Variants in DNAH9 observed in about 807,000 individuals in gnomAD.
The protein encoded by DNAH9 is DNAH9 variant protein.
In DNAH9, 345 loss-of-function variants were observed where a neutral mutation model predicts 471.6. The ratio of observed to expected loss-of-function variants is 0.73; its 90% confidence interval spans 0.67 to 0.80. DNAH9 has a LOEUF of 0.80. Among genes scored for constraint, DNAH9 ranks in the 30% least tolerant of loss-of-function variants. DNAH9 has a pLI of 0.00. For synonymous variants in DNAH9, 2,093 were observed against 2,123.6 expected, an observed-to-expected ratio of 0.99 and a Z score of 0.40; for missense variants, 5,407 against 5,609.2, an observed-to-expected ratio of 0.96 and a Z score of 1.15.
Position 11,932,791 on chromosome 17 carries a change from C to G in DNAH9, c.12297+586C>G, listed in dbSNP as rs1049728110. 7.2e-5 allele frequency among the ~76,000 whole-genome samples: 11 copies of G among 151,866 alleles called. No homozygotes were observed. The highest frequency in any genetic ancestry group is 1.5e-4 in the Non-Finnish European group (10 of 67,994). On this transcript the variant is annotated intron_variant, in intron 64 of 68. Coordinates refer to ENST00000262442, the MANE Select transcript of DNAH9 (RefSeq NM_001372.4). This position sits in a 1 kb window ranked among gnomAD's most constrained non-coding sequence, Gnocchi z 4.3. ...CATGAGAGTTTGTCCCGGGCCCCAC[C>G]AGACCATACCTATGTCTTCACAGCA...
intron 43 of DNAH9, among the ~76,000 whole-genome samples, chr17:11,799,514 C>T (rs2077571870): frequency 6.6e-6 from 1 of 152,000 alleles, no homozygotes; most frequent in African/African-American, 2.4e-5. Context: ...CCCCATCACC[C>T]CAGTGCCAGC....
chr17:11,793,418 G>C (rs1409230627), intron 41 of DNAH9, 85 bp from the exon 42 acceptor site: 2 of 1,280,854 alleles, frequency 1.6e-6, no homozygotes, highest in African/African-American at 3.0e-5. Flanking sequence ...TCCCAGGTTA[G>C]ATAAAATGCT....
intron 36 of DNAH9, among the ~76,000 whole-genome samples, chr17:11,764,589 T>G (rs1170420981): frequency 1.3e-5 from 2 of 152,174 alleles, no homozygotes; most frequent in Non-Finnish European, 2.9e-5. Flanking sequence ...TTGACTATTT[T>G]AGCTGTATCA....
At chr17:11,704,172 C>G in intron 24 of DNAH9, 31 bp from the exon 25 acceptor site, 1 of 1,612,638 alleles carries the variant, frequency 6.2e-7, no homozygotes, top group Non-Finnish European at 8.5e-7. Flanking sequence ...GCCATGATAA[C>G]AGCTTTACTA....
intron 6 of DNAH9, among the ~76,000 whole-genome samples, chr17:11,624,163 T>C (rs1479978113): frequency 6.6e-6 from 1 of 152,104 alleles, no homozygotes; most frequent in Non-Finnish European, 1.5e-5. Flanking sequence ...ACTAAAAAAT[T>C]AACATGTTTC....
chr17:11,743,566 C>T (rs916160717), intron 30 of DNAH9, among the ~76,000 whole-genome samples: 1 of 152,172 alleles, frequency 6.6e-6, no homozygotes, highest in East Asian at 1.9e-4. Flanking sequence ...TCAACAGCAG[C>T]GGCTCACAGC....
At chr17:11,617,160 G>C (rs1347852159) in intron 4 of DNAH9, among the ~76,000 whole-genome samples, 1 of 152,174 alleles carries the variant, frequency 6.6e-6, no homozygotes, top group Non-Finnish European at 1.5e-5. Flanking sequence ...CCAAGCACCA[G>C]ATGGAGGCTG....
intron 52 of DNAH9, among the ~76,000 whole-genome samples, chr17:11,874,347 C>T (rs745638124): frequency 6.6e-6 from 1 of 152,064 alleles, no homozygotes; most frequent in African/African-American, 2.4e-5. Context: ...TAAGAGAGGC[C>T]ACAGGCAAGT....
intron 11 of DNAH9, 72 bp downstream of exon 11, chr17:11,644,771 TTG>T (rs2073348097): frequency 9.5e-7 from 1 of 1,048,200 alleles, no homozygotes; most frequent in East Asian, 2.4e-5. Context: ...AGCTCCGAGT[TTG>T]TGCAGATTCC....
chr17:11,887,754 A>G (rs1972923000), intron 57 of DNAH9, among the ~76,000 whole-genome samples: 1 of 151,958 alleles, frequency 6.6e-6, no homozygotes, highest in South Asian at 2.1e-4. Flanking sequence ...ACACACACAC[A>G]CACACACACA....
intron 1 of DNAH9, among the ~76,000 whole-genome samples, chr17:11,599,201 C>A (rs1193308474): frequency 2.0e-5 from 3 of 152,040 alleles, no homozygotes; most frequent in African/African-American, 7.2e-5. Flanking sequence ...GGAGCTGAGG[C>A]TTGGGTCAGT....
intron 54 of DNAH9, 31 bp downstream of exon 54, chr17:11,880,231 G>C (rs201578299): frequency 2.9e-5 from 47 of 1,608,986 alleles, no homozygotes; most frequent in East Asian, 6.7e-5. Context: ...TGACCCTTCG[G>C]GGGGAGCTGG....
intron 7 of DNAH9, among the ~76,000 whole-genome samples, chr17:11,631,293 T>C (rs911385045): frequency 1.3e-5 from 2 of 151,706 alleles, no homozygotes; most frequent in Non-Finnish European, 2.9e-5. Context: ...ATTTTAAGAG[T>C]GTGTGCGGGA....
chr17:11,861,788 T>A (rs1009131333), intron 50 of DNAH9, among the ~76,000 whole-genome samples: 5 of 152,144 alleles, frequency 3.3e-5, no homozygotes, highest in African/African-American at 1.2e-4. Context: ...ATGGTGAGCA[T>A]TTTTTCATGT....
chr17:11,694,380 C>T lies in DNAH9; in HGVS notation c.4805C>T (p.Pro1602Leu), dbSNP rs566122995. 1.9e-6 allele frequency: 3 copies of T among 1,613,540 alleles called. No individual in the cohort carries two copies. The highest frequency in any genetic ancestry group is 1.1e-5 in the South Asian group (1 of 90,992). Residue 1602 changes from proline (P) to leucine (L), a missense_variant, in exon 22 of 69, where the codon CCG becomes CTG. Pro to Leu is a moderately conservative substitution (Grantham distance 98, BLOSUM62 -3). Transcript: ENST00000262442. ...CTCGACACCAAGAGGCTTGCCTTCCCGCGGTTTTACTTTCTCTCCTCCTCC... is the reference window on the plus strand; with the variant it reads ...CTCGACACCAAGAGGCTTGCCTTCCTGCGGTTTTACTTTCTCTCCTCCTCC... ...EYLDTKRLAFPRFYFLSSSDL... is the reference protein window; with the variant it reads ...EYLDTKRLAFLRFYFLSSSDL...
chr17:11,874,244 C>CAAAAAAAAA (rs770328921), intron 52 of DNAH9, among the ~76,000 whole-genome samples: 5 of 106,434 alleles, frequency 4.7e-5, no homozygotes, highest in Non-Finnish European at 5.6e-5. Flanking sequence ...GATTCCATCT[C>CAAAAAAAAA]AAAAAAAAAA....
chr17:11,675,872 T>A (rs2074040733), intron 17 of DNAH9, among the ~76,000 whole-genome samples: 1 of 152,052 alleles, frequency 6.6e-6, no homozygotes, highest in Non-Finnish European at 1.5e-5. Context: ...TGTGATTGAA[T>A]TTGGCCTTCA....
chr17:11,693,481 A>G (rs2150757538), intron 20 of DNAH9, among the ~76,000 whole-genome samples: 1 of 150,046 alleles, frequency 6.7e-6, no homozygotes, highest in East Asian at 2.0e-4. Context: ...CTGGTCTCAA[A>G]CTCCTGGCCT....
At chr17:11,768,252 C>T (rs1028560443) in intron 36 of DNAH9, among the ~76,000 whole-genome samples, 7 of 152,172 alleles carry the variant, frequency 4.6e-5, no homozygotes, top group Admixed American at 2.0e-4. Context: ...GATGCCTGTG[C>T]GTGGCCCCTG....
Sources: gnomAD v4.1 joint callset for allele counts (sites outside exome capture counted in the v4.1 genomes callset) on GRCh38, gnomAD v4.1.1 for gene constraint, Gnocchi (gnomAD v3.1) non-coding constraint, MANE v1.5 for transcripts, NCBI Gene and HGNC (gene_info 2026-07-23, HGNC 2026-07-21) for gene names.